Variants in RABGAP1L observed in about 807,000 individuals in gnomAD.
RABGAP1L encodes the protein RAB GTPase activating protein 1 like.
RABGAP1L carries 63 observed loss-of-function variants against 137.7 expected under a neutral mutation model. That is an observed-to-expected ratio of 0.46 (90% CI 0.37 to 0.56). The LOEUF (loss-of-function observed/expected upper bound fraction) is 0.56, where lower values mean the gene tolerates loss of function less well. Among genes scored for constraint, RABGAP1L ranks in the 20% least tolerant of loss-of-function variants. The pLI, the probability that RABGAP1L is intolerant of heterozygous loss-of-function variation, is 0.00. For missense variants in RABGAP1L, 1,095 were observed against 1,244.0 expected, an observed-to-expected ratio of 0.88 and a Z score of 1.80; for synonymous variants, 431 against 433.7, an observed-to-expected ratio of 0.99 and a Z score of 0.08.
chr1:174,163,840 C>T (rs1030823464), intron 1 of RABGAP1L, among the ~76,000 whole-genome samples: 1 of 151,944 alleles, frequency 6.6e-6, no homozygotes, highest in Admixed American at 6.6e-5. Context: ...GTTATTTTCC[C>T]TGTTGCCTGT....
At chr1:174,548,463 T>G (rs1666197793) in intron 13 of RABGAP1L, 1 of 931,278 alleles carries the variant, frequency 1.1e-6, no homozygotes, top group African/African-American at 1.8e-5. Context: ...ATTATATGCC[T>G]AAGATTGGAG....
chr1:174,587,915 G>T (rs760787858), intron 13 of RABGAP1L, among the ~76,000 whole-genome samples: 3 of 152,056 alleles, frequency 2.0e-5, no homozygotes, highest in Non-Finnish European at 4.4e-5. Context: ...CCAGACTGGA[G>T]TGCAGTGGCA....
chr1:174,264,612 TCA>T (rs1247341574), intron 7 of RABGAP1L, among the ~76,000 whole-genome samples: 1 of 152,164 alleles, frequency 6.6e-6, no homozygotes. Context: ...CTGTAATTTC[TCA>T]CAGTCTTTTT....
Position 174,625,409 on chromosome 1 carries a change from C to T in RABGAP1L, c.1711-11966C>T, listed in dbSNP as rs185794942. 2.4e-3 allele frequency among the ~76,000 whole-genome samples: 363 copies of T among 152,088 alleles called. 1 individual carries two copies. Among genetic ancestry groups the T allele is most frequent in the Middle Eastern group, 3.4e-3 (1 of 294 alleles). On this transcript the variant is annotated intron_variant, in intron 13 of 25. Transcript: ENST00000681986. The stretch of plus-strand genomic sequence containing the variant: ...AAACAGAAAGCTTAATTTTTATATA[C>T]GTTCACTTTTTGTGGGGTAGTGTGT...
rs773184889 is a variant in RABGAP1L, at chr1:174,448,520, G to T, written c.1710+54375G>T. Reference sequence around the variant, plus strand: ...TATGGCATGTCTTGCTTGCATCAGTGTGGATCGTTATCTTGCAATAACCAA... The same window carrying T: ...TATGGCATGTCTTGCTTGCATCAGTTTGGATCGTTATCTTGCAATAACCAA... On this transcript the variant is annotated intron_variant, in intron 13 of 25. Transcript: ENST00000681986. This position sits in a 1 kb window ranked among gnomAD's most constrained non-coding sequence, Gnocchi z 4.2. The T allele has an allele frequency of 3.1e-6, 5 of 1,612,954 alleles. No individual in the cohort carries two copies. The Admixed American group carries it at 8.3e-5, about 27-fold the overall frequency.
At chr1:174,458,020 A>T (rs1558251474) in intron 13 of RABGAP1L, among the ~76,000 whole-genome samples, 1 of 152,164 alleles carries the variant, frequency 6.6e-6, no homozygotes, top group Non-Finnish European at 1.5e-5. Context: ...GCCAGGGACT[A>T]TTCTTAATTC....
intron 13 of RABGAP1L, among the ~76,000 whole-genome samples, chr1:174,571,035 A>G (rs1325503056): frequency 6.6e-6 from 1 of 152,330 alleles, no homozygotes; most frequent in Non-Finnish European, 1.5e-5. Flanking sequence ...GCATGAGCAG[A>G]TGAATGGAGA....
intron 13 of RABGAP1L, among the ~76,000 whole-genome samples, chr1:174,627,587 CA>C (rs1396964166): frequency 6.6e-6 from 1 of 152,188 alleles, no homozygotes; most frequent in Non-Finnish European, 1.5e-5. Flanking sequence ...TGATCTTCAA[CA>C]AGCTAAATTG....
chr1:174,795,974 A>G (rs772691780), intron 18 of RABGAP1L, among the ~76,000 whole-genome samples: 24 of 152,186 alleles, frequency 1.6e-4, no homozygotes, highest in Admixed American at 6.5e-4. Context: ...GTTTATGTTT[A>G]TCTTGCTAAC....
At chr1:174,629,270 A>G (rs1673143545) in intron 13 of RABGAP1L, among the ~76,000 whole-genome samples, 1 of 152,102 alleles carries the variant, frequency 6.6e-6, no homozygotes. Context: ...TGCTTCAAAA[A>G]CACAATTATT....
chr1:174,934,679 T>C (rs1664449137), intron 19 of RABGAP1L, among the ~76,000 whole-genome samples: 1 of 152,060 alleles, frequency 6.6e-6, no homozygotes, highest in African/African-American at 2.4e-5. Context: ...TGGTCCCAGC[T>C]ACTCAGGAGG....
chr1:174,519,222 A>G (rs1177121827), intron 13 of RABGAP1L, among the ~76,000 whole-genome samples: 2 of 151,290 alleles, frequency 1.3e-5, no homozygotes, highest in African/African-American at 4.9e-5. Flanking sequence ...ATATATATAC[A>G]CACACACACA....
Position 174,337,401 on chromosome 1 carries a change from A to T in RABGAP1L, c.1465+32274A>T, listed in dbSNP as rs142355752. 1.9e-3 allele frequency among the ~76,000 whole-genome samples: 295 copies of T among 152,270 alleles called. 3 individuals carry two copies. Among genetic ancestry groups the T allele is most frequent in the African/African-American group, 6.8e-3 (281 of 41,552 alleles). On this transcript the variant is annotated intron_variant, in intron 11 of 25. Transcript: ENST00000681986. ...AAACAAGAATTACATGTGCAAGCAGAATATGAAGTATGGTTATGAGGCAGT... is the reference window on the plus strand; with the variant it reads ...AAACAAGAATTACATGTGCAAGCAGTATATGAAGTATGGTTATGAGGCAGT...
At chr1:174,535,092 A>G (rs1055508140) in intron 13 of RABGAP1L, among the ~76,000 whole-genome samples, 4 of 152,218 alleles carry the variant, frequency 2.6e-5, no homozygotes, top group East Asian at 1.9e-4. Context: ...ACTTGACACC[A>G]TAAGGTTAAG....
chr1:174,673,329 T>C (rs1677327785), intron 14 of RABGAP1L, among the ~76,000 whole-genome samples: 2 of 152,182 alleles, frequency 1.3e-5, no homozygotes, highest in African/African-American at 4.8e-5. Context: ...CAGAGAGTGA[T>C]AATATCATTA....
chr1:174,524,572 A>G (rs915038245), intron 13 of RABGAP1L, among the ~76,000 whole-genome samples: 1 of 151,956 alleles, frequency 6.6e-6, no homozygotes, highest in African/African-American at 2.4e-5. Flanking sequence ...GTTTGCAGAT[A>G]TTTTCTCCTG....
chr1:174,524,181 CTAT>C lies in RABGAP1L; in HGVS notation c.1711-113192_1711-113190del, dbSNP rs1352903179. On this transcript the variant is annotated intron_variant, in intron 13 of 25. Coordinates refer to ENST00000681986, the MANE Select transcript of RABGAP1L (RefSeq NM_001366446.1). ...TGGATTGCTGAATCATATGGTAGTT[CTAT>C]TGTTGTTGTTGTTGTTGTTGTTGTT... Among the ~76,000 whole-genome samples the C allele has an allele frequency of 3.3e-5, 5 of 151,402 alleles. No individual in the cohort carries two copies. The South Asian group carries it at 6.2e-4, about 19-fold the overall frequency.
intron 13 of RABGAP1L, among the ~76,000 whole-genome samples, chr1:174,464,388 C>CA (rs1177341475): frequency 6.6e-6 from 1 of 152,092 alleles, no homozygotes; most frequent in African/African-American, 2.4e-5. Flanking sequence ...CCAAGTATTC[C>CA]AAAATAGAAC....
intron 9 of RABGAP1L, among the ~76,000 whole-genome samples, chr1:174,277,187 T>G (rs1675071842): frequency 6.6e-6 from 1 of 152,052 alleles, no homozygotes; most frequent in Non-Finnish European, 1.5e-5. Context: ...TTAAGCTGTC[T>G]AAAAATAAAG....
Sources: allele counts gnomAD v4.1 joint callset (sites outside exome capture counted in the v4.1 genomes callset), GRCh38; gene constraint gnomAD v4.1.1; non-coding constraint Gnocchi (gnomAD v3.1); transcripts MANE v1.5; gene names NCBI Gene and HGNC (gene_info 2026-07-23, HGNC 2026-07-21).